SLC14A2: variants seen among roughly 807,000 people sequenced by gnomAD.
SLC14A2 encodes the protein urea transporter 2.
In SLC14A2, 91 loss-of-function variants were observed where a neutral mutation model predicts 104.6. That is an observed-to-expected ratio of 0.87 (90% CI 0.73 to 1.04). SLC14A2 has a LOEUF of 1.04. Ranked by LOEUF, SLC14A2 falls within the 50% of genes least tolerant of loss-of-function variation. The pLI, the probability that SLC14A2 is intolerant of heterozygous loss-of-function variation, is 0.00. For synonymous variants in SLC14A2, 476 were observed against 466.4 expected, an observed-to-expected ratio of 1.02 and a Z score of -0.27; for missense variants, 1,189 against 1,156.0, an observed-to-expected ratio of 1.03 and a Z score of -0.41.
chr18:45,282,544 G>A (rs866809745), intron 1 of SLC14A2, among the ~76,000 whole-genome samples: 16 of 152,142 alleles, frequency 1.1e-4, no homozygotes, highest in Non-Finnish European at 1.8e-4. Context: ...ATGATCTCAT[G>A]GAGGACACAG....
At chr18:45,656,935 A>C (rs2045847702) in intron 10 of SLC14A2, among the ~76,000 whole-genome samples, 1 of 152,182 alleles carries the variant, frequency 6.6e-6, no homozygotes, top group Admixed American at 6.5e-5. Context: ...CCACCTTCTT[A>C]AAAATAAAAA....
intron 1 of SLC14A2, among the ~76,000 whole-genome samples, chr18:45,344,990 C>T (rs544840349): frequency 1.3e-5 from 2 of 152,184 alleles, no homozygotes; most frequent in Non-Finnish European, 2.9e-5. Flanking sequence ...CTGTGATAAG[C>T]GTGCTGTCCC....
chr18:45,486,172 A>G (rs1425831192), intron 2 of SLC14A2, among the ~76,000 whole-genome samples: 1 of 152,160 alleles, frequency 6.6e-6, no homozygotes, highest in Non-Finnish European at 1.5e-5. Context: ...GCTTTTCTTA[A>G]CACAGAGCAG....
intron 1 of SLC14A2, among the ~76,000 whole-genome samples, chr18:45,269,115 A>G (rs1002006138): frequency 6.6e-6 from 1 of 151,954 alleles, no homozygotes; most frequent in African/African-American, 2.4e-5. Flanking sequence ...CCAAATCAAG[A>G]TAAAACAATG....
intron 1 of SLC14A2, among the ~76,000 whole-genome samples, chr18:45,273,450 C>A (rs116660096): frequency 3.9e-5 from 6 of 152,118 alleles, no homozygotes; most frequent in Non-Finnish European, 8.8e-5. Flanking sequence ...AACCATAGAG[C>A]CTTTAAATGG....
intron 6 of SLC14A2, 112 bp from the exon 7 acceptor site, chr18:45,639,634 T>C: frequency 9.9e-7 from 1 of 1,005,824 alleles, no homozygotes; most frequent in East Asian, 2.4e-5. Flanking sequence ...GGTACAGTCA[T>C]CCTCCCGTTC....
At chr18:45,476,688 C>T (rs1258148641) in intron 1 of SLC14A2, among the ~76,000 whole-genome samples, 1 of 152,136 alleles carries the variant, frequency 6.6e-6, no homozygotes, top group African/African-American at 2.4e-5. Context: ...CCTTTTCATT[C>T]CTTTTTCTCT....
intron 1 of SLC14A2, among the ~76,000 whole-genome samples, chr18:45,436,042 GC>G (rs1466553201): frequency 1.3e-5 from 2 of 152,108 alleles, no homozygotes; most frequent in East Asian, 3.9e-4. Context: ...TATTAATAGA[GC>G]CCCAAAGACC....
chr18:45,656,667 G>T (rs148883249), intron 10 of SLC14A2, among the ~76,000 whole-genome samples: 41 of 152,186 alleles, frequency 2.7e-4, no homozygotes, highest in African/African-American at 9.6e-4. Context: ...TTAGAGATGG[G>T]GTGCTCTGAC....
At chr18:45,362,136 T>C (rs1174089683) in intron 1 of SLC14A2, among the ~76,000 whole-genome samples, 1 of 152,246 alleles carries the variant, frequency 6.6e-6, no homozygotes, top group South Asian at 2.1e-4. Flanking sequence ...ACTTCTTCAC[T>C]CACTTGCTCT....
chr18:45,198,115 AG>A, the SLC14A2 span, among the ~76,000 whole-genome samples: 1 of 152,198 alleles, frequency 6.6e-6, no homozygotes, highest in African/African-American at 2.4e-5. Context: ...TTCTGCCTAT[AG>A]CTACCTGGGT....
intron 1 of SLC14A2, among the ~76,000 whole-genome samples, chr18:45,376,729 C>T (rs2085778876): frequency 6.6e-6 from 1 of 152,062 alleles, no homozygotes; most frequent in South Asian, 2.1e-4. Context: ...CTCTGTGAGC[C>T]AAGGCATGCT....
At chr18:45,501,372 G>T (rs140771779) in intron 2 of SLC14A2, among the ~76,000 whole-genome samples, 2 of 152,186 alleles carry the variant, frequency 1.3e-5, no homozygotes, top group Non-Finnish European at 2.9e-5. Context: ...GACTTGAATC[G>T]TCCACTTACC....
chr18:45,643,893 C>T (rs955773193), intron 9 of SLC14A2, 93 bp from the exon 10 acceptor site: 2 of 1,105,230 alleles, frequency 1.8e-6, no homozygotes, highest in Admixed American at 2.1e-5. Flanking sequence ...GGATCTCCAT[C>T]CTCAACGCCT....
intron 1 of SLC14A2, among the ~76,000 whole-genome samples, chr18:45,222,356 G>A (rs143172075): frequency 8.5e-5 from 13 of 152,314 alleles, no homozygotes; most frequent in East Asian, 5.8e-4. Context: ...TGCATTTGGC[G>A]TGAGTCCTGT....
At chr18:45,365,993 CAA>C (rs527561100) in intron 1 of SLC14A2, among the ~76,000 whole-genome samples, 82 of 110,874 alleles carry the variant, frequency 7.4e-4, no homozygotes, top group Non-Finnish European at 9.4e-4. Flanking sequence ...GCAAAAGGAC[CAA>C]AAAAAAAAAA....
chr18:45,216,612 C>T (rs868511759), intron 1 of SLC14A2, among the ~76,000 whole-genome samples: 15 of 152,144 alleles, frequency 9.9e-5, no homozygotes, highest in South Asian at 2.1e-4. Flanking sequence ...CCACTTTCTG[C>T]GGTATATGGG....
chr18:45,665,382 T>C (rs2046001554), intron 11 of SLC14A2, among the ~76,000 whole-genome samples: 1 of 152,174 alleles, frequency 6.6e-6, no homozygotes, highest in African/African-American at 2.4e-5. Flanking sequence ...ATTGGTGGTC[T>C]CTAAAAGTAA....
chr18:45,185,321 A>C, the SLC14A2 span, among the ~76,000 whole-genome samples: 1 of 152,178 alleles, frequency 6.6e-6, no homozygotes, highest in Non-Finnish European at 1.5e-5. Context: ...CTCATGCTTC[A>C]TATCCACAGG....
Sources: gnomAD v4.1 joint callset for allele counts (sites outside exome capture counted in the v4.1 genomes callset) on GRCh38, gnomAD v4.1.1 for gene constraint, MANE v1.5 for transcripts, NCBI Gene and HGNC (gene_info 2026-07-23, HGNC 2026-07-21) for gene names.